RAB8A: variants seen among roughly 807,000 people sequenced by gnomAD.
RAB8A encodes ras-related protein Rab-8A.
In RAB8A, 5 loss-of-function variants were observed where a neutral mutation model predicts 29.2. That is an observed-to-expected ratio of 0.17 (90% CI 0.09 to 0.36). RAB8A has a LOEUF of 0.36. Ranked by LOEUF, RAB8A falls within the 10% of genes least tolerant of loss-of-function variation. RAB8A has a pLI of 1.00. For missense variants in RAB8A, 171 were observed against 272.2 expected, an observed-to-expected ratio of 0.63 and a Z score of 2.62; for synonymous variants, 108 against 99.9, an observed-to-expected ratio of 1.08 and a Z score of -0.49.
chr19:16,129,676 A>G lies in RAB8A; in HGVS notation c.531+72A>G, dbSNP rs1039836719. On this transcript the variant is annotated intron_variant, in intron 7 of 7. Transcript: ENST00000300935. ...AGCCATCGTCGTTAGCAGCAGTGAT[A>G]TGACGTGCCCTAGATCCTGCTTTTT... 8.2e-6 allele frequency: 12 copies of G among 1,469,508 alleles called. No homozygotes were observed. In the African/African-American group the frequency reaches 1.7e-4, roughly 20 times the overall value. The allele number at this position is 1,469,508 out of a possible 1,614,324, so 91.0% of individuals were successfully genotyped here. A position where few individuals can be genotyped will look rare whatever the true frequency, so the allele number is the denominator to read the frequency against.
In RAB8A at chr19:16,122,246, G is replaced by A. The variant is rs2090878764; in HGVS notation, c.246+436G>A. 6.3e-6 allele frequency: 1 copy of A among 159,650 alleles called. No individual in the cohort carries two copies. Among genetic ancestry groups the A allele is most frequent in the African/African-American group, 2.4e-5 (1 of 41,734 alleles). The allele number at this position is 159,650 out of a possible 1,614,324, so 9.9% of individuals were successfully genotyped here. On this transcript the variant is annotated intron_variant, in intron 3 of 7. Transcript: ENST00000300935. The surrounding 1 kb of genome is among the most constrained non-coding windows in gnomAD (Gnocchi z 4.7). ...CGTTATATCCGTCACCCAGGCCTGAGGCGGGATGACGTGATGGGAAGACTC... is the reference window on the plus strand; with the variant it reads ...CGTTATATCCGTCACCCAGGCCTGAAGCGGGATGACGTGATGGGAAGACTC...
At chr19:16,130,170 C>T (rs945028179) in intron 7 of RAB8A, among the ~76,000 whole-genome samples, 11 of 151,378 alleles carry the variant, frequency 7.3e-5, no homozygotes, top group Middle Eastern at 3.4e-3. Flanking sequence ...TTTTTTACCA[C>T]GTTAGCGATT....
intron 6 of RAB8A, 145 bp from the exon 7 acceptor site, chr19:16,129,409 A>G: frequency 1.3e-6 from 1 of 755,816 alleles, no homozygotes; most frequent in Non-Finnish European, 2.3e-6. Context: ...GACAGGCCAG[A>G]TGAACCCACT....
At chr19:16,128,210 CT>C in intron 6 of RAB8A, 119 bp downstream of exon 6, 1 of 1,078,360 alleles carries the variant, frequency 9.3e-7, no homozygotes, top group Non-Finnish European at 1.4e-6. Context: ...GGGCTCAGGG[CT>C]GCCAGTCAGT....
In RAB8A at chr19:16,125,006, GGC is replaced by G; in HGVS notation, c.247-463_247-462del. The G allele has an allele frequency of 1.1e-5, 2 of 184,348 alleles. No homozygotes were observed. Among genetic ancestry groups the G allele is most frequent in the Non-Finnish European group, 2.3e-5 (2 of 86,270 alleles). 11.4% of individuals were successfully genotyped at this position (184,348 alleles called of 1,614,324 possible). A position where few individuals can be genotyped will look rare whatever the true frequency, so the allele number is the denominator to read the frequency against. The stretch of plus-strand genomic sequence containing the variant: ...GTGGATGTCGGGTCAGGACTTCCTG[GGC>G]TCAGTTGTGCCTGGTAGGTGGCTCA... On this transcript the variant is annotated intron_variant, in intron 3 of 7. Transcript: ENST00000300935. This position sits in a 1 kb window ranked among gnomAD's most constrained non-coding sequence, Gnocchi z 5.0.
chr19:16,123,520 T>C (rs982198955), intron 3 of RAB8A: 3 of 152,172 alleles, frequency 2.0e-5, no homozygotes, highest in African/African-American at 7.2e-5. Context: ...GGCAGGAGAA[T>C]CGCTTAAACC....
chr19:16,116,564 C>T (rs1165112571), intron 1 of RAB8A, among the ~76,000 whole-genome samples: 1 of 152,182 alleles, frequency 6.6e-6, no homozygotes, highest in Non-Finnish European at 1.5e-5. Context: ...CACGGTGGCA[C>T]AGTGGCTCAC....
At position 16,127,537 on chromosome 19, in the gene RAB8A, T is replaced by C. The variant is rs1298509293; in HGVS notation, c.414+11T>C. The stretch of plus-strand genomic sequence containing the variant: ...GAACGGGGAGAAAAGGTGGGCATGG[T>C]GGCACAAGGGGCAGAGGGCCTCGGG... On this transcript the variant is annotated intron_variant, in intron 5 of 7. Transcript: ENST00000300935. This position sits in a 1 kb window ranked among gnomAD's most constrained non-coding sequence, Gnocchi z 4.8. The C allele has an allele frequency of 1.3e-6, 2 of 1,513,480 alleles. No individual in the cohort carries two copies. Among genetic ancestry groups the C allele is most frequent in the East Asian group, 2.4e-5 (1 of 41,648 alleles). 93.8% of individuals were successfully genotyped at this position (1,513,480 alleles called of 1,614,324 possible).
rs2090933366 is a variant in RAB8A at position 16,132,794 on chromosome 19, C to T, written c.*490C>T. 1 of 156,634 alleles carries T rather than the reference C, an allele frequency of 6.4e-6. No individual in the cohort carries two copies. Among genetic ancestry groups the T allele is most frequent in the African/African-American group, 2.4e-5 (1 of 41,482 alleles). 9.7% of individuals were successfully genotyped at this position (156,634 alleles called of 1,614,324 possible). On this transcript the variant is annotated 3_prime_UTR_variant, in exon 8 of 8. Transcript: ENST00000300935. The surrounding 1 kb of genome is among the most constrained non-coding windows in gnomAD (Gnocchi z 5.6). ...CGATCGCCAGGACCAGGAAGCATCA[C>T]CCAGGAGATTTGGCGCCCACTTCCA... is the stretch of plus-strand genomic sequence containing the variant.
In RAB8A at chr19:16,125,128, G is replaced by A. The variant is rs921158419; in HGVS notation, c.247-342G>A. On this transcript the variant is annotated intron_variant, in intron 3 of 7. Coordinates refer to ENST00000300935, the MANE Select transcript of RAB8A (RefSeq NM_005370.5). The surrounding 1 kb of genome is among the most constrained non-coding windows in gnomAD (Gnocchi z 5.0). The stretch of plus-strand genomic sequence containing the variant: ...GCTGCTGGCAGTGGGCCTGTGGACC[G>A]GCTCCCACCGTCAGGCTGCACCACC... 3.2e-5 allele frequency: 13 copies of A among 407,612 alleles called. No homozygotes were observed. Among genetic ancestry groups the A allele is most frequent in the East Asian group, 2.4e-4 (5 of 21,246 alleles). The allele number at this position is 407,612 out of a possible 1,614,324, so 25.2% of individuals were successfully genotyped here.
chr19:16,112,082 G>C, intron 1 of RAB8A, 57 bp downstream of exon 1: 1 of 1,599,880 alleles, frequency 6.3e-7, no homozygotes, highest in Non-Finnish European at 8.5e-7. Context: ...GCGCGCCCCT[G>C]AGGGGCTGGG....
In RAB8A at chr19:16,132,580, G is replaced by A. The variant is rs2090931195; in HGVS notation, c.*276G>A. On this transcript the variant is annotated 3_prime_UTR_variant, in exon 8 of 8. Coordinates refer to ENST00000300935, the MANE Select transcript of RAB8A (RefSeq NM_005370.5). This position sits in a 1 kb window ranked among gnomAD's most constrained non-coding sequence, Gnocchi z 5.6. ...CACGTTGTATATTCAGAGAGAGAGA[G>A]GGAGTCAAGGTGTGACCGTCGACCA... 2.3e-6 allele frequency: 1 copy of A among 441,696 alleles called. No individual in the cohort carries two copies. Among genetic ancestry groups the A allele is most frequent in the Non-Finnish European group, 4.2e-6 (1 of 239,816 alleles). The allele number at this position is 441,696 out of a possible 1,614,324, so 27.4% of individuals were successfully genotyped here.
In RAB8A at chr19:16,118,299, GT is replaced by G; in HGVS notation, c.185+15del. The G allele has an allele frequency of 6.2e-7, 1 of 1,607,354 alleles. No homozygotes were observed. The highest frequency in any genetic ancestry group is 8.5e-7 in the Non-Finnish European group (1 of 1,175,568). ...AACTGCAGATATGGTAAGAGTCATT[GT>G]TCTCTGTCATTCTCTCCACCTGGCA... On this transcript the variant is annotated intron_variant, in intron 2 of 7. Transcript: ENST00000300935.
In RAB8A at chr19:16,132,102, TTGGATGGTTGGA is replaced by T. The variant is rs2090927502; in HGVS notation, c.532-100_532-89del. On this transcript the variant is annotated intron_variant, in intron 7 of 7. Transcript: ENST00000300935. This position sits in a 1 kb window ranked among gnomAD's most constrained non-coding sequence, Gnocchi z 5.6. ...TTTGGTTGGTTGGTTGGTTGGTTGG[TTGGATGGTTGGA>T]TGGATGGTTAGGTGGATGGTTAGGT... 9.3e-6 allele frequency: 8 copies of T among 855,744 alleles called. No individual in the cohort carries two copies. The highest frequency in any genetic ancestry group is 5.0e-5 in the African/African-American group (3 of 59,454). 53.0% of individuals were successfully genotyped at this position (855,744 alleles called of 1,614,324 possible).
At chr19:16,121,920 C>T in intron 3 of RAB8A, 110 bp downstream of exon 3, 1 of 1,016,280 alleles carries the variant, frequency 9.8e-7, no homozygotes, top group Non-Finnish European at 1.5e-6. Context: ...CGTGCCCCAA[C>T]TCCTCAGGGC....
chr19:16,128,188 C>A, intron 6 of RAB8A, 97 bp downstream of exon 6: 2 of 1,331,038 alleles, frequency 1.5e-6, no homozygotes, highest in Non-Finnish European at 2.1e-6. Flanking sequence ...TCCTGCCAGA[C>A]GGACCAGCCT....
chr19:16,118,866 A>T (rs928432807), intron 2 of RAB8A, among the ~76,000 whole-genome samples: 2 of 152,200 alleles, frequency 1.3e-5, no homozygotes, highest in African/African-American at 4.8e-5. Context: ...ACATACAATT[A>T]GGGAAGTGGG....
At position 16,122,075 on chromosome 19, in the gene RAB8A, A is replaced by G; in HGVS notation, c.246+265A>G. 1 of 405,556 alleles carries G rather than the reference A, an allele frequency of 2.5e-6. No individual in the cohort carries two copies. The highest frequency in any genetic ancestry group is 3.8e-5 in the Admixed American group (1 of 26,510). 25.1% of individuals were successfully genotyped at this position (405,556 alleles called of 1,614,324 possible). The stretch of plus-strand genomic sequence containing the variant: ...TTTGGGAATGAAGAAAGACACAGGA[A>G]GCCGGTTCTTCCAGGTGAGCTCAGT... On this transcript the variant is annotated intron_variant, in intron 3 of 7. Coordinates refer to ENST00000300935, the MANE Select transcript of RAB8A (RefSeq NM_005370.5). The surrounding 1 kb of genome is among the most constrained non-coding windows in gnomAD (Gnocchi z 4.7).
At chr19:16,120,609 CTT>C (rs372155452) in intron 2 of RAB8A, among the ~76,000 whole-genome samples, 4 of 130,586 alleles carry the variant, frequency 3.1e-5, no homozygotes, top group Non-Finnish European at 3.3e-5. Context: ...ACACGCCTGG[CTT>C]TTTTTTTTTT....
Sources: allele counts gnomAD v4.1 joint callset (sites outside exome capture counted in the v4.1 genomes callset), GRCh38; gene constraint gnomAD v4.1.1; non-coding constraint Gnocchi (gnomAD v3.1); transcripts MANE v1.5; gene names NCBI Gene and HGNC (gene_info 2026-07-23, HGNC 2026-07-21).